The following LDLRAD4 variants were observed in gnomAD, a reference collection of about 807,000 sequenced individuals.
The protein encoded by LDLRAD4 is low density lipoprotein receptor class A domain containing 4, also known as low-density lipoprotein receptor class A domain-containing protein 4.
LDLRAD4 carries 5 observed loss-of-function variants against 17.0 expected under a neutral mutation model. The ratio of observed to expected loss-of-function variants is 0.29; its 90% confidence interval spans 0.15 to 0.62. The LOEUF (loss-of-function observed/expected upper bound fraction) is 0.62, where lower values mean the gene tolerates loss of function less well. Ranked by LOEUF, LDLRAD4 falls within the 20% of genes least tolerant of loss-of-function variation. The probability of loss-of-function intolerance (pLI) is 0.84; values close to 1 mark genes in which losing one functional copy is unlikely to be tolerated. For missense variants in LDLRAD4, 340 were observed against 424.7 expected (o/e 0.80, Z 1.75); for synonymous variants, 168 against 171.8 (o/e 0.98, Z 0.17).
At position 13,621,578 on chromosome 18, in the gene LDLRAD4, G is replaced by T. The variant is rs1258849045; in HGVS notation, c.336+307G>T. ...GCTGTGCACGAACGGGACCGGCCCT[G>T]GGTGGTCCCTCGTGCCTGGCTCCTC... On this transcript the variant is annotated intron_variant, in intron 4 of 5. Coordinates refer to ENST00000359446, the Ensembl canonical transcript of LDLRAD4. This position sits in a 1 kb window ranked among gnomAD's most constrained non-coding sequence, Gnocchi z 5.5. Among the ~76,000 whole-genome samples, 1 of 152,222 alleles carries T rather than the reference G, an allele frequency of 6.6e-6. No individual in the cohort carries two copies. The highest frequency in any genetic ancestry group is 2.4e-5 in the African/African-American group (1 of 41,470).
At chr18:13,593,150 T>TTACTAA (rs1311328714) in intron 3 of LDLRAD4, among the ~76,000 whole-genome samples, 1 of 152,080 alleles carries the variant, frequency 6.6e-6, no homozygotes, top group Non-Finnish European at 1.5e-5. Flanking sequence ...CTGACTCTAC[T>TTACTAA]AAAAGTACAT....
chr18:13,394,081 G>T (rs978776399), intron 2 of LDLRAD4, among the ~76,000 whole-genome samples: 1 of 152,196 alleles, frequency 6.6e-6, no homozygotes, highest in African/African-American at 2.4e-5. Flanking sequence ...TTTCTGCAGG[G>T]AAGTTAAGTT....
At chr18:13,649,642 G>T (rs1185083902) in exon 6 of LDLRAD4, 1 of 155,906 alleles carries the variant, frequency 6.4e-6, no homozygotes, top group Non-Finnish European at 1.4e-5. Context: ...CATCTCGGGG[G>T]CTTGCTGCAC....
chr18:13,439,524 C>T (rs1192637747), intron 3 of LDLRAD4, among the ~76,000 whole-genome samples: 1 of 152,228 alleles, frequency 6.6e-6, no homozygotes, highest in East Asian at 1.9e-4. Context: ...TTTGCAAAGA[C>T]AGTTCTTGGA....
At chr18:13,562,187 A>G (rs776966869) in intron 3 of LDLRAD4, among the ~76,000 whole-genome samples, 2 of 152,196 alleles carry the variant, frequency 1.3e-5, no homozygotes, top group Non-Finnish European at 2.9e-5. Flanking sequence ...AAAGGTGATC[A>G]TCACACCTGC....
At chr18:13,513,698 A>C (rs1466270212) in intron 3 of LDLRAD4, among the ~76,000 whole-genome samples, 1 of 152,150 alleles carries the variant, frequency 6.6e-6, no homozygotes, top group African/African-American at 2.4e-5. Flanking sequence ...CCTTGGACCT[A>C]TGTTGGGCTT....
At chr18:13,292,285 T>A (rs1020329750) in intron 1 of LDLRAD4, among the ~76,000 whole-genome samples, 1 of 152,258 alleles carries the variant, frequency 6.6e-6, no homozygotes, top group Non-Finnish European at 1.5e-5. Flanking sequence ...GTGGGTGGGC[T>A]GCTGGCACAA....
intron 1 of LDLRAD4, among the ~76,000 whole-genome samples, chr18:13,284,941 C>T (rs1250903165): frequency 6.6e-6 from 1 of 152,084 alleles, no homozygotes; most frequent in Non-Finnish European, 1.5e-5. Context: ...CAGGGAGGGG[C>T]GTCCTTTGGG....
chr18:13,269,775 G>A (rs530959724), intron 1 of LDLRAD4, among the ~76,000 whole-genome samples: 5 of 152,282 alleles, frequency 3.3e-5, no homozygotes, highest in Non-Finnish European at 7.4e-5. Context: ...AGCAGGCATG[G>A]TCTCATTCTC....
At chr18:13,572,888 C>T (rs1002428382) in intron 3 of LDLRAD4, among the ~76,000 whole-genome samples, 10 of 152,308 alleles carry the variant, frequency 6.6e-5, no homozygotes, top group South Asian at 2.1e-4. Context: ...ATAGCAGCAG[C>T]GCAGAGGGCA....
intron 1 of LDLRAD4, among the ~76,000 whole-genome samples, chr18:13,360,586 G>T (rs1426873861): frequency 6.6e-6 from 1 of 152,236 alleles, no homozygotes; most frequent in African/African-American, 2.4e-5. Flanking sequence ...CTTGAAAAGA[G>T]CATAAGTAGA....
rs755453642 is a variant in LDLRAD4, at chr18:13,438,365, G to A, written c.162G>A (p.Pro54=). Residue 54 remains proline, a synonymous_variant, in exon 3 of 6, where the codon CCG becomes CCA. Coordinates refer to ENST00000359446, the Ensembl canonical transcript of LDLRAD4. ...ACTGTCTCCTGGTGACCGAGCACCC[G>A]CCTCCGGGCATCTTCAACTGTAAGT... is the stretch of plus-strand genomic sequence containing the variant. 18 of 1,613,994 alleles carry A rather than the reference G, an allele frequency of 1.1e-5. 1 individual carries two copies. In the South Asian group the frequency reaches 1.5e-4, roughly 14 times the overall value.
chr18:13,640,158 TGGC>T (rs2042409798), intron 4 of LDLRAD4, among the ~76,000 whole-genome samples: 1 of 151,908 alleles, frequency 6.6e-6, no homozygotes, highest in Non-Finnish European at 1.5e-5. Context: ...CTGGGTGTGG[TGGC>T]GGGCGCCTGT....
At chr18:13,627,142 G>A (rs563832546) in intron 4 of LDLRAD4, among the ~76,000 whole-genome samples, 2 of 152,154 alleles carry the variant, frequency 1.3e-5, no homozygotes, top group Non-Finnish European at 2.9e-5. Context: ...GTGGTGGCAC[G>A]TGCCTGTAAT....
intron 3 of LDLRAD4, among the ~76,000 whole-genome samples, chr18:13,455,857 A>G (rs1187474604): frequency 6.6e-6 from 1 of 152,170 alleles, no homozygotes; most frequent in Non-Finnish European, 1.5e-5. Flanking sequence ...GTATATTTTT[A>G]AGATTATGAA....
chr18:13,356,591 A>G (rs796088234), intron 1 of LDLRAD4, among the ~76,000 whole-genome samples: 3 of 152,318 alleles, frequency 2.0e-5, no homozygotes, highest in African/African-American at 7.2e-5. Flanking sequence ...AGAAAAGATA[A>G]GAAGCAAATA....
chr18:13,396,333 A>T (rs1318839524), intron 2 of LDLRAD4, among the ~76,000 whole-genome samples: 5 of 152,204 alleles, frequency 3.3e-5, no homozygotes, highest in African/African-American at 1.2e-4. Flanking sequence ...TCCTTTGTGG[A>T]TGCTCAAGTC....
rs1490597306 is a variant in LDLRAD4, at chr18:13,421,628, C to T, written c.41-16616C>T. Among the ~76,000 whole-genome samples, 3 of 152,176 alleles carry T rather than the reference C, an allele frequency of 2.0e-5. No individual in the cohort carries two copies. In the East Asian group the frequency reaches 5.8e-4, roughly 29 times the overall value. Reference sequence around the variant, plus strand: ...CTTCTGGCCTTCACGCGTCAGAAGGCACCCGTGGCTGCCCCTTACTTCTGC... The same window carrying T: ...CTTCTGGCCTTCACGCGTCAGAAGGTACCCGTGGCTGCCCCTTACTTCTGC... On this transcript the variant is annotated intron_variant, in intron 2 of 5. Transcript: ENST00000359446.
intron 3 of LDLRAD4, among the ~76,000 whole-genome samples, chr18:13,509,218 G>A (rs1254332930): frequency 6.6e-6 from 1 of 152,230 alleles, no homozygotes; most frequent in Non-Finnish European, 1.5e-5. Context: ...GGAGGCTGAA[G>A]TGGGAAGATC....
Sources: allele counts gnomAD v4.1 joint callset (sites outside exome capture counted in the v4.1 genomes callset), GRCh38; gene constraint gnomAD v4.1.1; non-coding constraint Gnocchi (gnomAD v3.1); transcripts MANE v1.5; gene names NCBI Gene and HGNC (gene_info 2026-07-23, HGNC 2026-07-21).